SCARB2: variants seen among roughly 807,000 people sequenced by gnomAD.
SCARB2 encodes the protein lysosome membrane protein 2.
SCARB2 carries 29 observed loss-of-function variants against 58.6 expected under a neutral mutation model. That is an observed-to-expected ratio of 0.49 (90% CI 0.37 to 0.67). The LOEUF is 0.67. Ranked by LOEUF, SCARB2 falls within the 30% of genes least tolerant of loss-of-function variation. SCARB2 has a pLI of 0.00. For synonymous variants in SCARB2, 195 were observed against 210.1 expected (o/e 0.93, Z 0.62); for missense variants, 488 against 578.5 (o/e 0.84, Z 1.60).
chr4:76,208,119 T>G (rs17001653), intron 1 of SCARB2, among the ~76,000 whole-genome samples: 1,855 of 152,328 alleles, frequency 0.012, 29 homozygotes, highest in African/African-American at 0.04. Context: ...CTAATGAGTC[T>G]GATTCAGCAA....
At chr4:76,168,530 A>G in intron 8 of SCARB2, 54 bp from the exon 9 acceptor site, 1 of 1,465,292 alleles carries the variant, frequency 6.8e-7, no homozygotes, top group Non-Finnish European at 9.5e-7. Flanking sequence ...ACTGCAAACA[A>G]CTTTTTCAAT....
At chr4:76,172,532 C>T (rs1490754871) in intron 7 of SCARB2, among the ~76,000 whole-genome samples, 2 of 152,118 alleles carry the variant, frequency 1.3e-5, no homozygotes, top group East Asian at 3.9e-4. Flanking sequence ...GGATTACAGG[C>T]ATGATCCACC....
At chr4:76,167,154 GC>G (rs1732025706) in intron 9 of SCARB2, among the ~76,000 whole-genome samples, 1 of 152,178 alleles carries the variant, frequency 6.6e-6, no homozygotes. Context: ...GGGAAGTAAG[GC>G]TAGACTCAAG....
chr4:76,218,093 C>T (rs1029992545), upstream of SCARB2, among the ~76,000 whole-genome samples: 2 of 152,194 alleles, frequency 1.3e-5, no homozygotes, highest in African/African-American at 2.4e-5. Flanking sequence ...TTTGGGAAGC[C>T]AAGGCAGGAG....
chr4:76,213,979 C>T (rs910081447), upstream of SCARB2: 4 of 182,148 alleles, frequency 2.2e-5, no homozygotes, highest in African/African-American at 4.8e-5. Flanking sequence ...CCCTCCCCGG[C>T]CGGTCCCCGG....
chr4:76,164,791 CAAA>C (rs35163860), intron 10 of SCARB2: 17 of 105,324 alleles, frequency 1.6e-4, no homozygotes, highest in Non-Finnish European at 1.3e-4. Flanking sequence ...GACCTTGTCT[CAAA>C]AAAAAAAAAA....
intron 1 of SCARB2, among the ~76,000 whole-genome samples, chr4:76,200,827 C>T (rs575861555): frequency 2.8e-4 from 42 of 152,328 alleles, no homozygotes; most frequent in African/African-American, 1.0e-3. Context: ...TCACCTCCTC[C>T]TCTTCCCCAT....
rs1466314804 is a variant in SCARB2, at chr4:76,213,465, G to A, written c.79C>T (p.Arg27Trp). ...LVTSVTLLVARVFQKAVDQSI... is the reference protein window; with the variant it reads ...LVTSVTLLVAWVFQKAVDQSI... ...TGGTCTACAGCCTTCTGGAAGACCC[G>A]GGCCACCAGCAGCGTGACGCTGGTC... Residue 27 changes from arginine (R) to tryptophan (W), a missense_variant, in exon 1 of 12, where the codon CGG (arginine) becomes TGG (tryptophan). Transcript: ENST00000264896. 11 of 1,610,434 alleles carry A rather than the reference G, an allele frequency of 6.8e-6. No homozygotes were observed. Among genetic ancestry groups the A allele is most frequent in the Non-Finnish European group, 8.5e-6 (10 of 1,178,476 alleles).
chr4:76,228,225 C>A (rs996632545), intron 1 of SCARB2, among the ~76,000 whole-genome samples: 3 of 151,982 alleles, frequency 2.0e-5, no homozygotes, highest in African/African-American at 4.8e-5. Context: ...CACCTGTAAT[C>A]CCAGCACTTG....
chr4:76,202,751 C>G (rs1269030789), intron 1 of SCARB2, among the ~76,000 whole-genome samples: 1 of 152,092 alleles, frequency 6.6e-6, no homozygotes, highest in Non-Finnish European at 1.5e-5. Flanking sequence ...GTATTTTAAA[C>G]AAAATTGAGA....
At position 76,179,511 on chromosome 4, in the gene SCARB2, A is replaced by G. The variant is rs893768165; in HGVS notation, c.612+6T>C. 2 of 1,607,164 alleles carry G rather than the reference A, an allele frequency of 1.2e-6. No homozygotes were observed. Among genetic ancestry groups the G allele is most frequent in the South Asian group, 1.1e-5 (1 of 90,934 alleles). On this transcript the variant is annotated splice_donor_region_variant and intron_variant, in intron 4 of 11. Coordinates refer to ENST00000264896, the MANE Select transcript of SCARB2 (RefSeq NM_005506.4). ...AAAGAGGTTCTGAAAAGAAAAATCT[A>G]CTTACCTCATAGAATAGGCCAAAAT... is the stretch of plus-strand genomic sequence containing the variant.
At chr4:76,229,016 G>A (rs1346298469) in intron 1 of SCARB2, among the ~76,000 whole-genome samples, 3 of 152,066 alleles carry the variant, frequency 2.0e-5, no homozygotes, top group Non-Finnish European at 4.4e-5. Flanking sequence ...TTTCATGGAC[G>A]CTTTATTCAT....
chr4:76,209,965 G>A (rs540524724), intron 1 of SCARB2, among the ~76,000 whole-genome samples: 9 of 152,310 alleles, frequency 5.9e-5, no homozygotes, highest in East Asian at 3.9e-4. Flanking sequence ...CTGCCAGCAC[G>A]TCTGCAGAGA....
chr4:76,199,868 A>C (rs543798409), intron 1 of SCARB2, among the ~76,000 whole-genome samples: 1 of 152,330 alleles, frequency 6.6e-6, no homozygotes, highest in Non-Finnish European at 1.5e-5. Context: ...TAATGGGTCC[A>C]AAGAAAGCAC....
At chr4:76,201,167 G>A (rs1051970306) in intron 1 of SCARB2, among the ~76,000 whole-genome samples, 2 of 152,110 alleles carry the variant, frequency 1.3e-5, no homozygotes, top group Non-Finnish European at 2.9e-5. Context: ...GCCTTGGCCT[G>A]AGTCACTCAC....
At chr4:76,207,194 G>A (rs573448593) in intron 1 of SCARB2, among the ~76,000 whole-genome samples, 1 of 152,260 alleles carries the variant, frequency 6.6e-6, no homozygotes, top group Admixed American at 6.5e-5. Context: ...TGAGTGTAGA[G>A]TGGAGTCTTC....
At chr4:76,179,442 A>G (rs1732332416) in intron 4 of SCARB2, 75 bp downstream of exon 4, 3 of 1,033,476 alleles carry the variant, frequency 2.9e-6, no homozygotes, top group East Asian at 5.1e-5. Context: ...AAGAAACTCA[A>G]AGTTAATCTG....
chr4:76,222,955 G>A (rs1733336067), intron 1 of SCARB2, among the ~76,000 whole-genome samples: 1 of 152,142 alleles, frequency 6.6e-6, no homozygotes, highest in Non-Finnish European at 1.5e-5. Context: ...CTCGTGCATG[G>A]GAATCGACCA....
chr4:76,228,509 T>A lies in SCARB2; in HGVS notation c.-358+5794A>T, dbSNP rs545359167. On this transcript the variant is annotated intron_variant, in intron 1 of 11. Coordinates refer to the SCARB2 transcript ENST00000638295. ...AAAAAAAAGAAAGAAAGAAAAAAAATTTAGAATTCCTTTTAGCATTTCTTG... is the reference window on the plus strand; with the variant it reads ...AAAAAAAAGAAAGAAAGAAAAAAAAATTAGAATTCCTTTTAGCATTTCTTG... 3.9e-5 allele frequency among the ~76,000 whole-genome samples: 6 copies of A among 152,058 alleles called. 1 individual carries two copies. The highest frequency in any genetic ancestry group is 4.2e-4 in the South Asian group (2 of 4,818).
Sources: gnomAD v4.1 joint callset for allele counts (sites outside exome capture counted in the v4.1 genomes callset) on GRCh38, gnomAD v4.1.1 for gene constraint, MANE v1.5 for transcripts, NCBI Gene and HGNC (gene_info 2026-07-23, HGNC 2026-07-21) for gene names.